The following SLC30A9 variants were observed in gnomAD, a reference collection of about 807,000 sequenced individuals.
SLC30A9 encodes proton-coupled zinc antiporter SLC30A9, mitochondrial.
Under a neutral mutation model 87.5 loss-of-function variants are expected in SLC30A9, and 58 were observed. The ratio of observed to expected loss-of-function variants is 0.66; its 90% CI spans 0.54 to 0.82. The LOEUF (loss-of-function observed/expected upper bound fraction) is 0.82, where lower values mean the gene tolerates loss of function less well. Ranked by LOEUF, SLC30A9 falls within the 40% of genes least tolerant of loss-of-function variation. The probability of loss-of-function intolerance (pLI) is 0.00; values close to 1 mark genes in which losing one functional copy is unlikely to be tolerated. For synonymous variants in SLC30A9, 234 were observed against 233.0 expected, an observed-to-expected ratio of 1.00 and a Z score of -0.04; for missense variants, 557 against 679.1, an observed-to-expected ratio of 0.82 and a Z score of 2.00.
chr4:42,070,868 CCTT>C (rs760110934), intron 15 of SLC30A9, among the ~76,000 whole-genome samples, 177 bp downstream of exon 15: 1 of 152,126 alleles, frequency 6.6e-6, no homozygotes, highest in Non-Finnish European at 1.5e-5. Context: ...TTAGGAAACT[CCTT>C]CTAAGTTTCC....
At chr4:42,034,688 T>C (rs915163103) in intron 6 of SLC30A9, among the ~76,000 whole-genome samples, 7 of 152,190 alleles carry the variant, frequency 4.6e-5, no homozygotes, top group Middle Eastern at 3.2e-3. Flanking sequence ...TCCATGGACA[T>C]TTGGGTTGCT....
At chr4:42,024,032 C>T (rs946054440) in intron 6 of SLC30A9, among the ~76,000 whole-genome samples, 8 of 152,096 alleles carry the variant, frequency 5.3e-5, no homozygotes, top group African/African-American at 1.4e-4. Flanking sequence ...TATTATAATT[C>T]GAGATGAGAT....
At chr4:42,082,646 A>G (rs200624998) in intron 17 of SLC30A9, among the ~76,000 whole-genome samples, 7 of 152,308 alleles carry the variant, frequency 4.6e-5, no homozygotes, top group Non-Finnish European at 1.0e-4. Context: ...TCAGGAGTTC[A>G]AGACCAGCCT....
At chr4:42,001,875 A>G in intron 2 of SLC30A9, 95 bp downstream of exon 2, 1 of 817,934 alleles carries the variant, frequency 1.2e-6, no homozygotes, top group Middle Eastern at 2.8e-4. Context: ...ACTTACTTAT[A>G]ATACTGTCTG....
intron 9 of SLC30A9, among the ~76,000 whole-genome samples, chr4:42,054,324 C>T (rs1295011901): frequency 6.6e-6 from 1 of 152,156 alleles, no homozygotes; most frequent in Non-Finnish European, 1.5e-5. Flanking sequence ...CACCACTGTA[C>T]TCCAGCCTGG....
At chr4:41,999,772 C>T (rs1714897770) in intron 1 of SLC30A9, among the ~76,000 whole-genome samples, 1 of 151,674 alleles carries the variant, frequency 6.6e-6, no homozygotes, top group Admixed American at 6.6e-5. Context: ...GATCTATTCA[C>T]ATAGAAACTG....
intron 17 of SLC30A9, among the ~76,000 whole-genome samples, chr4:42,084,946 A>G (rs147118344): frequency 3.5e-4 from 53 of 152,342 alleles, no homozygotes; most frequent in African/African-American, 1.1e-3. Context: ...ATACACTTCA[A>G]TGCCTGGCAC....
chr4:42,072,489 C>CT (rs1267495262), intron 15 of SLC30A9, among the ~76,000 whole-genome samples: 2 of 151,852 alleles, frequency 1.3e-5, no homozygotes, highest in African/African-American at 2.4e-5. Flanking sequence ...TTTCTAATTT[C>CT]TTTTTTTATT....
At chr4:42,023,465 C>T (rs1455479150) in intron 6 of SLC30A9, 81 bp downstream of exon 6, 5 of 864,756 alleles carry the variant, frequency 5.8e-6, no homozygotes, top group Non-Finnish European at 9.5e-6. Flanking sequence ...CTCTCTAGTG[C>T]TAGCATACCT....
Position 42,004,903 on chromosome 4 carries a change from C to T in SLC30A9, c.274+3123C>T, listed in dbSNP as rs560647950. Among the ~76,000 whole-genome samples, 33 of 152,190 alleles carry T rather than the reference C, an allele frequency of 2.2e-4. No homozygotes were observed. The South Asian group carries it at 5.0e-3, about 23-fold the overall frequency. ...TCCTGGGCTCAAGCAATCCTCCTGC[C>T]TCAGCCTTCCAAAGTGCTGGGATTA... On this transcript the variant is annotated intron_variant, in intron 2 of 17. Transcript: ENST00000264451.
chr4:42,046,615 G>T (rs536454397), intron 8 of SLC30A9, among the ~76,000 whole-genome samples: 1 of 152,214 alleles, frequency 6.6e-6, no homozygotes, highest in South Asian at 2.1e-4. Context: ...TTCCATGCTC[G>T]TGGATAGGAA....
At position 42,035,332 on chromosome 4, in the gene SLC30A9, A is replaced by T; in HGVS notation, c.668A>T (p.Lys223Met). The T allele has an allele frequency of 6.2e-7, 1 of 1,602,798 alleles. No homozygotes were observed. Among genetic ancestry groups the T allele is most frequent in the South Asian group, 1.1e-5 (1 of 90,846 alleles). Reference protein sequence around the residue: ...REYRDFLGNTKPRSRTASVFF... With the variant: ...REYRDFLGNTMPRSRTASVFF... ...TACAGAGATTTCTTGGGAAATACCA[A>T]GGTATGGATATCTTTGTAATAATGT... Residue 223 changes from lysine to methionine, a missense_variant and splice_region_variant, in exon 7 of 18, where the codon AAG becomes ATG. Lys to Met is a moderately conservative substitution (Grantham distance 95). This residue lies in a region of SLC30A9 where 467 missense variants were observed against 529.8 expected (regional missense o/e 0.88). Coordinates refer to ENST00000264451, the MANE Select transcript of SLC30A9 (RefSeq NM_006345.4).
chr4:42,076,974 A>AAAAAAG lies in SLC30A9; in HGVS notation c.1548+1191_1548+1192insAAGAAA, dbSNP rs200061915. ...GAGACTCCGTCTCAAAAAAAAAAAA[A>AAAAAAG]AAAGAAAGAAACAATGCCATGATTG... On this transcript the variant is annotated intron_variant, in intron 16 of 17. Transcript: ENST00000264451. 8.2e-3 allele frequency among the ~76,000 whole-genome samples: 1,159 copies of AAAAAAG among 141,198 alleles called. 43 individuals are homozygous for AAAAAAG. The highest frequency in any genetic ancestry group is 0.021 in the African/African-American group (816 of 38,034). 92.6% of individuals were successfully genotyped at this position (141,198 alleles called of 152,430 possible).
chr4:42,026,560 T>C (rs1052339051), intron 6 of SLC30A9, among the ~76,000 whole-genome samples: 2 of 152,236 alleles, frequency 1.3e-5, no homozygotes, highest in Admixed American at 1.3e-4. Context: ...CTATTCCCTT[T>C]CTGGTTTGAT....
At chr4:42,020,983 A>G (rs1290898322) in intron 4 of SLC30A9, among the ~76,000 whole-genome samples, 3 of 152,100 alleles carry the variant, frequency 2.0e-5, no homozygotes, top group Non-Finnish European at 4.4e-5. Context: ...AATATCTGTT[A>G]TTATTAATTT....
In SLC30A9 at chr4:42,041,193, CAT is replaced by C. The variant is rs942682804; in HGVS notation, c.737+2141_737+2142del. ...ATCTCCCACTGCGTCCCTCCCAAAA[CAT>C]GTGGGAATTATAGGAGCTACAAGAT... is the stretch of plus-strand genomic sequence containing the variant. On this transcript the variant is annotated intron_variant, in intron 8 of 17. Coordinates refer to ENST00000264451, the MANE Select transcript of SLC30A9 (RefSeq NM_006345.4). Among the ~76,000 whole-genome samples, 91 of 152,294 alleles carry C rather than the reference CAT, an allele frequency of 6.0e-4. 1 individual carries two copies. Among genetic ancestry groups the C allele is most frequent in the Admixed American group, 4.4e-3 (67 of 15,300 alleles).
At chr4:42,006,968 A>G (rs184093329) in intron 2 of SLC30A9, among the ~76,000 whole-genome samples, 1 of 152,002 alleles carries the variant, frequency 6.6e-6, no homozygotes, top group African/African-American at 2.4e-5. Context: ...GGGAGTTTGG[A>G]CTTTGTTTTG....
chr4:42,018,783 A>C (rs1379874146), intron 3 of SLC30A9, among the ~76,000 whole-genome samples: 1 of 152,140 alleles, frequency 6.6e-6, no homozygotes, highest in African/African-American at 2.4e-5. Context: ...GCTGAAAATG[A>C]GACTTCTTTT....
intron 2 of SLC30A9, among the ~76,000 whole-genome samples, chr4:42,013,117 C>G (rs971877218): frequency 4.6e-5 from 7 of 151,560 alleles, no homozygotes; most frequent in Non-Finnish European, 8.8e-5. Flanking sequence ...TTCATCTCTA[C>G]AAAAAATTTA....
Sources: allele counts gnomAD v4.1 joint callset (sites outside exome capture counted in the v4.1 genomes callset), GRCh38; gene constraint gnomAD v4.1.1; regional missense constraint gnomAD v4.1.1; transcripts MANE v1.5; gene names NCBI Gene and HGNC (gene_info 2026-07-23, HGNC 2026-07-21).